The following CHEK2 variants were observed in gnomAD, a reference collection of about 807,000 sequenced individuals.
CHEK2 encodes serine/threonine-protein kinase Chk2.
A neutral mutation model predicts 69.1 loss-of-function variants in CHEK2; 71 were observed. The observed-to-expected ratio is 1.03, with a 90% confidence interval of 0.85 to 1.25. CHEK2 has a LOEUF of 1.25. CHEK2 is among the 50% of genes most tolerant of loss of function. The pLI is 0.00. For synonymous variants in CHEK2, 189 were observed against 226.9 expected, an observed-to-expected ratio of 0.83 and a Z score of 1.50; for missense variants, 664 against 649.6, an observed-to-expected ratio of 1.02 and a Z score of -0.24.
At chr22:28,730,468 C>T (rs1288595040) in intron 2 of CHEK2, 1 of 699,106 alleles carries the variant, frequency 1.4e-6, no homozygotes, top group Admixed American at 2.0e-5. Flanking sequence ...CTTATCCCAG[C>T]ACTTTGGGAG....
intron 2 of CHEK2, among the ~76,000 whole-genome samples, chr22:28,733,288 A>G (rs1240512299): frequency 2.6e-5 from 4 of 152,216 alleles, no homozygotes; most frequent in African/African-American, 9.6e-5. Context: ...GGCAAACCAC[A>G]GCAGAGGTTA....
intron 2 of CHEK2, among the ~76,000 whole-genome samples, chr22:28,726,521 CAT>C (rs1177678605): frequency 3.5e-5 from 5 of 142,710 alleles, no homozygotes; most frequent in South Asian, 4.3e-4. Flanking sequence ...CACAATATAA[CAT>C]ATATTATATA....
At chr22:28,695,341 T>A (rs2052531318) in intron 11 of CHEK2, 99 bp from the exon 12 acceptor site, 2 of 769,818 alleles carry the variant, frequency 2.6e-6, no homozygotes, top group African/African-American at 1.7e-5. Context: ...AAAAGTCAGA[T>A]TTTTCTTTAA....
chr22:28,695,907 C>T (rs1181757974), intron 10 of CHEK2, 34 bp from the exon 11 acceptor site: 4 of 1,566,896 alleles, frequency 2.6e-6, no homozygotes, highest in Non-Finnish European at 3.5e-6. Flanking sequence ...TAATGTTGAA[C>T]TTGCCATAAA....
At position 28,739,750 on chromosome 22, in the gene CHEK2, T is replaced by G. The variant is rs563171259; in HGVS notation, c.-7+2019A>C. The stretch of plus-strand genomic sequence containing the variant: ...ACCATCTCACCCAAGTTAAAATGGT[T>G]TGTATAAAAGATAGGCAAAACAGAT... On this transcript the variant is annotated intron_variant, in intron 1 of 14. Transcript: ENST00000404276. 5.9e-5 allele frequency among the ~76,000 whole-genome samples: 9 copies of G among 152,096 alleles called. No individual in the cohort carries two copies. In the East Asian group the frequency reaches 1.7e-3, roughly 29 times the overall value.
chr22:28,714,012 T>C (rs756312194), intron 5 of CHEK2, among the ~76,000 whole-genome samples: 15 of 152,216 alleles, frequency 9.9e-5, no homozygotes, highest in Non-Finnish European at 1.8e-4. Flanking sequence ...GGGGAATTTA[T>C]ATACCTAGAA....
At chr22:28,690,420 G>A (rs1196416686) in intron 13 of CHEK2, among the ~76,000 whole-genome samples, 1 of 151,794 alleles carries the variant, frequency 6.6e-6, no homozygotes, top group African/African-American at 2.4e-5. Context: ...CCTGAGGTCG[G>A]AAGTTTGAGA....
rs786203458 is a variant in CHEK2, at chr22:28,734,444, CA to C, written c.277del (p.Trp93GlyfsTer17). 7 of 1,613,992 alleles carry C rather than the reference CA, an allele frequency of 4.3e-6. No homozygotes were observed. Among genetic ancestry groups the C allele is most frequent in the Non-Finnish European group, 5.1e-6 (6 of 1,179,960 alleles). Reference protein sequence around the residue: ...QEPEEPTPAPWARLWALQDGF... With the variant: ...QEPEEPTPAPXARLWALQDGF... ...ATCCTGAAGGGCCCATAATCGAGCC[CA>C]GGGGGCAGGGGTAGGCTCCTCAGGT... On this transcript the variant is annotated frameshift_variant, in exon 2 of 15. Coordinates refer to ENST00000404276, the MANE Select transcript of CHEK2 (RefSeq NM_007194.4). LOFTEE classifies it high-confidence loss of function.
At chr22:28,739,808 T>C (rs1174241075) in intron 1 of CHEK2, among the ~76,000 whole-genome samples, 1 of 152,166 alleles carries the variant, frequency 6.6e-6, no homozygotes, top group African/African-American at 2.4e-5. Context: ...GGGAACTGTA[T>C]AGAGTGCTCT....
At chr22:28,707,334 G>A (rs2053189860) in intron 7 of CHEK2, among the ~76,000 whole-genome samples, 1 of 152,214 alleles carries the variant, frequency 6.6e-6, no homozygotes, top group Non-Finnish European at 1.5e-5. Context: ...CTGACCTTGT[G>A]ACATAAGTAT....
intron 9 of CHEK2, among the ~76,000 whole-genome samples, chr22:28,697,551 A>ATTTCT (rs563734053): frequency 2.9e-4 from 44 of 151,560 alleles, no homozygotes; most frequent in African/African-American, 9.4e-4. Context: ...ACTATGCCAT[A>ATTTCT]TTTCTTTTCT....
chr22:28,733,832 T>A (rs1457959757), intron 2 of CHEK2, among the ~76,000 whole-genome samples: 3 of 149,988 alleles, frequency 2.0e-5, no homozygotes, highest in African/African-American at 7.4e-5. Flanking sequence ...GACAGGAGAA[T>A]CGCTTGAACC....
chr22:28,704,923 CAATG>C (rs2053050849), intron 7 of CHEK2, among the ~76,000 whole-genome samples: 1 of 152,068 alleles, frequency 6.6e-6, no homozygotes, highest in African/African-American at 2.4e-5. Flanking sequence ...TGTTATATAG[CAATG>C]AATGAATGCC....
Position 28,725,135 on chromosome 22 carries a change from G to T in CHEK2, c.445-11C>A, listed in dbSNP as rs1024561307. On this transcript the variant is annotated splice_polypyrimidine_tract_variant and intron_variant, in intron 3 of 14. Coordinates refer to ENST00000404276, the MANE Select transcript of CHEK2 (RefSeq NM_007194.4). ...TTTAGGACCCACTTCCTAAAATAGA[G>T]AACATTTTGTTTCAGACTTTGAATA... 6.2e-7 allele frequency: 1 copy of T among 1,613,898 alleles called. No homozygotes were observed. The highest frequency in any genetic ancestry group is 1.3e-5 in the African/African-American group (1 of 74,902).
At chr22:28,700,059 T>C in intron 8 of CHEK2, 122 bp from the exon 9 acceptor site, 1 of 692,104 alleles carries the variant, frequency 1.4e-6, no homozygotes, top group Non-Finnish European at 2.6e-6. Flanking sequence ...TTATTCACTT[T>C]TGACTCTCAT....
In CHEK2 at chr22:28,719,421, T is replaced by G. The variant is rs1222043566; in HGVS notation, c.657A>C (p.Glu219Asp). ...QSVYPKALRD[E>D]YIMSKTLGSG... Reference sequence around the variant, plus strand: ...TTCCAAGAGTTTTTGACATGATGTATTCATCTCTTAATGCCTTAGGATAAA... The same window carrying G: ...TTCCAAGAGTTTTTGACATGATGTAGTCATCTCTTAATGCCTTAGGATAAA... The change falls in exon 5 of 15, where the codon GAA becomes GAC. Residue 219 changes from glutamate to aspartate, a missense_variant. Transcript: ENST00000404276. The G allele has an allele frequency of 1.9e-6, 3 of 1,593,960 alleles. No homozygotes were observed. Among genetic ancestry groups the G allele is most frequent in the South Asian group, 2.3e-5 (2 of 88,328 alleles).
rs121908706 is a variant in CHEK2, at chr22:28,694,072, C to T, written c.1421G>A (p.Arg474His). The change falls in exon 13 of 15, where the codon CGT becomes CAT. Residue 474 changes from arginine (R) to histidine (H), a missense_variant. Coordinates refer to ENST00000404276, the MANE Select transcript of CHEK2 (RefSeq NM_007194.4). The part of the protein sequence containing the change: ...KKLLVVDPKA[R>H]FTTEEALRHP... ...TCTTAAGGCTTCTTCTGTCGTAAAA[C>T]GTGCCTTTGGATCCACTACCAACAA... 73 of 1,596,022 alleles carry T rather than the reference C, an allele frequency of 4.6e-5. No individual in the cohort carries two copies. Among genetic ancestry groups the T allele is most frequent in the Non-Finnish European group, 5.6e-5 (66 of 1,179,596 alleles).
chr22:28,738,319 G>A (rs1268713030), intron 1 of CHEK2, among the ~76,000 whole-genome samples: 2 of 152,166 alleles, frequency 1.3e-5, no homozygotes, highest in African/African-American at 2.4e-5. Flanking sequence ...TACTACCTGA[G>A]CCAGGCTGAG....
In CHEK2 at chr22:28,724,937, G is replaced by GA. The variant is rs17880603; in HGVS notation, c.592+39dup. ...CAAATTTTCCTCCTATGAGAGAGTG[G>GA]AAAAAAAAAATTCCAGTAACCATAA... On this transcript the variant is annotated intron_variant, in intron 4 of 14. Coordinates refer to ENST00000404276, the MANE Select transcript of CHEK2 (RefSeq NM_007194.4). 2,487 of 1,492,392 alleles carry GA rather than the reference G, an allele frequency of 1.7e-3. 1 individual carries two copies. The highest frequency in any genetic ancestry group is 2.0e-3 in the Non-Finnish European group (2,147 of 1,080,564). 92.4% of individuals were successfully genotyped at this position (1,492,392 alleles called of 1,614,324 possible). A position where few individuals can be genotyped will look rare whatever the true frequency, so the allele number is the denominator to read the frequency against.
Sources: allele counts gnomAD v4.1 joint callset (sites outside exome capture counted in the v4.1 genomes callset), GRCh38; gene constraint gnomAD v4.1.1; transcripts MANE v1.5; gene names NCBI Gene and HGNC (gene_info 2026-07-23, HGNC 2026-07-21).